The following AUTS2 variants were observed in gnomAD, a reference collection of about 807,000 sequenced individuals.
AUTS2 encodes activator of transcription and developmental regulator AUTS2, also known as autism susceptibility gene 2 protein.
In AUTS2, 17 loss-of-function variants were observed where a neutral mutation model predicts 112.4. The ratio of observed to expected loss-of-function variants is 0.15; its 90% CI spans 0.10 to 0.23. The LOEUF is 0.23. Ranked by LOEUF, AUTS2 falls within the 10% of genes least tolerant of loss-of-function variation. The probability of loss-of-function intolerance (pLI) is 1.00; values close to 1 mark genes in which losing one functional copy is unlikely to be tolerated. For missense variants in AUTS2, 1,510 were observed against 1,701.6 expected, an observed-to-expected ratio of 0.89 and a Z score of 1.98; for synonymous variants, 751 against 702.7, an observed-to-expected ratio of 1.07 and a Z score of -1.09.
chr7:69,809,784 A>G (rs1790466694), intron 1 of AUTS2, among the ~76,000 whole-genome samples: 1 of 152,144 alleles, frequency 6.6e-6, no homozygotes, highest in African/African-American at 2.4e-5. Flanking sequence ...TCTGCTTGTA[A>G]CCAATCAATA....
intron 2 of AUTS2, among the ~76,000 whole-genome samples, chr7:69,967,665 T>C (rs1029137997): frequency 1.8e-4 from 27 of 152,332 alleles, no homozygotes; most frequent in African/African-American, 5.0e-4. Flanking sequence ...AAGCCTTTGC[T>C]GACACACTGC....
chr7:70,633,172 G>A (rs920654898), intron 5 of AUTS2, among the ~76,000 whole-genome samples: 1 of 152,158 alleles, frequency 6.6e-6, no homozygotes, highest in African/African-American at 2.4e-5. Context: ...AAGCAGAAGG[G>A]AGAGACATAG....
At chr7:70,080,645 A>G (rs1803256845) in intron 2 of AUTS2, among the ~76,000 whole-genome samples, 1 of 152,230 alleles carries the variant, frequency 6.6e-6, no homozygotes, top group South Asian at 2.1e-4. Context: ...GCTGGTTGTT[A>G]AGTATTACCA....
chr7:70,326,001 C>T (rs1790469575), intron 4 of AUTS2, among the ~76,000 whole-genome samples: 1 of 152,186 alleles, frequency 6.6e-6, no homozygotes, highest in African/African-American at 2.4e-5. Context: ...CATTTAGTCA[C>T]TGAGTCTTCA....
At chr7:70,372,061 A>G (rs1792864444) in intron 4 of AUTS2, among the ~76,000 whole-genome samples, 1 of 152,236 alleles carries the variant, frequency 6.6e-6, no homozygotes, top group Non-Finnish European at 1.5e-5. Context: ...GTTTGGCACC[A>G]AGTTTCCAAT....
chr7:69,860,628 T>C (rs959358507), intron 1 of AUTS2, among the ~76,000 whole-genome samples: 2 of 152,110 alleles, frequency 1.3e-5, no homozygotes, highest in Non-Finnish European at 2.9e-5. Context: ...TCAGATTCAA[T>C]TGTAAAGAGC....
chr7:69,850,554 G>A (rs1792433493), intron 1 of AUTS2, among the ~76,000 whole-genome samples: 2 of 152,040 alleles, frequency 1.3e-5, no homozygotes, highest in African/African-American at 4.8e-5. Flanking sequence ...TGTTCTGATA[G>A]GTGTGTAATG....
At chr7:70,681,887 TA>T (rs1308881504) in intron 5 of AUTS2, among the ~76,000 whole-genome samples, 3 of 152,178 alleles carry the variant, frequency 2.0e-5, no homozygotes, top group Non-Finnish European at 4.4e-5. Flanking sequence ...GAATTTACTT[TA>T]AAGTCTTTCA....
At chr7:69,614,164 C>T (rs967105048) in intron 1 of AUTS2, among the ~76,000 whole-genome samples, 1 of 152,102 alleles carries the variant, frequency 6.6e-6, no homozygotes, top group Non-Finnish European at 1.5e-5. Flanking sequence ...CGATTCAGAA[C>T]TGGTCCATTA....
At chr7:70,376,807 G>A (rs2129631416) in intron 4 of AUTS2, among the ~76,000 whole-genome samples, 1 of 151,206 alleles carries the variant, frequency 6.6e-6, no homozygotes, top group Middle Eastern at 3.4e-3. Flanking sequence ...TTGTTTGCAT[G>A]ATGAAGTACA....
intron 1 of AUTS2, among the ~76,000 whole-genome samples, chr7:69,791,755 G>A (rs1379497615): frequency 6.6e-6 from 1 of 152,180 alleles, no homozygotes; most frequent in African/African-American, 2.4e-5. Context: ...GACATAGGCT[G>A]GCCTGGGAAA....
chr7:70,205,649 A>C (rs534172247), intron 4 of AUTS2, among the ~76,000 whole-genome samples: 1 of 152,334 alleles, frequency 6.6e-6, no homozygotes, highest in South Asian at 2.1e-4. Context: ...CAGACTGTAC[A>C]ATCTAGGTTT....
At chr7:69,828,959 A>G (rs1791376194) in intron 1 of AUTS2, among the ~76,000 whole-genome samples, 2 of 152,130 alleles carry the variant, frequency 1.3e-5, no homozygotes, top group Non-Finnish European at 2.9e-5. Context: ...ATAATCCAGT[A>G]TAGGAGGCAT....
chr7:70,312,391 G>A (rs1298643632), intron 4 of AUTS2, among the ~76,000 whole-genome samples: 1 of 151,972 alleles, frequency 6.6e-6, no homozygotes, highest in Non-Finnish European at 1.5e-5. Context: ...GTCAGTTTAA[G>A]TAAAAAGAAC....
At chr7:69,630,974 T>C (rs568007839) in intron 1 of AUTS2, among the ~76,000 whole-genome samples, 184 of 152,266 alleles carry the variant, frequency 1.2e-3, no homozygotes, top group Middle Eastern at 6.8e-3. Flanking sequence ...TCTTACTCAT[T>C]TATCCACGTC....
intron 4 of AUTS2, among the ~76,000 whole-genome samples, chr7:70,179,915 C>T (rs536685166): frequency 6.6e-6 from 1 of 152,266 alleles, no homozygotes; most frequent in African/African-American, 2.4e-5. Flanking sequence ...GTGTAATTCC[C>T]ATGGGCTGTA....
intron 5 of AUTS2, among the ~76,000 whole-genome samples, chr7:70,559,428 G>A (rs527774688): frequency 5.7e-4 from 86 of 151,392 alleles, no homozygotes; most frequent in African/African-American, 1.8e-3. Context: ...TCTGCCTCCC[G>A]GGTTCAAGCA....
chr7:70,686,559 C>A (rs917595557), intron 5 of AUTS2, among the ~76,000 whole-genome samples: 1 of 152,020 alleles, frequency 6.6e-6, no homozygotes, highest in African/African-American at 2.4e-5. Flanking sequence ...TTTTTGGAGA[C>A]AGAGTCTTGC....
intron 5 of AUTS2, among the ~76,000 whole-genome samples, chr7:70,641,270 C>G (rs566975341): frequency 6.6e-4 from 101 of 152,332 alleles, no homozygotes; most frequent in African/African-American, 2.4e-3. Context: ...AGGTCTTTCG[C>G]CAGGCGCGGT....
Sources: gnomAD v4.1 joint callset for allele counts (sites outside exome capture counted in the v4.1 genomes callset) on GRCh38, gnomAD v4.1.1 for gene constraint, MANE v1.5 for transcripts, NCBI Gene and HGNC (gene_info 2026-07-23, HGNC 2026-07-21) for gene names.